The following ASTN1 variants were observed in gnomAD, a reference collection of about 807,000 sequenced individuals.
ASTN1 encodes the protein astrotactin 1.
A neutral mutation model predicts 140.7 loss-of-function variants in ASTN1; 41 were observed. The ratio of observed to expected loss-of-function variants is 0.29; its 90% CI spans 0.23 to 0.38. The LOEUF is 0.38. ASTN1 is among the 10% of genes least tolerant of loss of function. The pLI is 1.00. For missense variants in ASTN1, 1,479 were observed against 1,678.8 expected (o/e 0.88, Z 2.08); for synonymous variants, 640 against 652.2 (o/e 0.98, Z 0.29).
chr1:177,102,891 C>T (rs1680367531), intron 1 of ASTN1, among the ~76,000 whole-genome samples: 1 of 152,166 alleles, frequency 6.6e-6, no homozygotes, highest in Admixed American at 6.5e-5. Context: ...TCAGAGAAAC[C>T]ACAAACCAGA....
At chr1:176,970,063 C>T (rs1673070529) in intron 8 of ASTN1, among the ~76,000 whole-genome samples, 1 of 152,228 alleles carries the variant, frequency 6.6e-6, no homozygotes, top group African/African-American at 2.4e-5. Context: ...TTTCTTTCTT[C>T]CTCCTGTCTC....
chr1:177,086,159 T>C (rs1383954996), intron 1 of ASTN1, among the ~76,000 whole-genome samples: 2 of 152,080 alleles, frequency 1.3e-5, no homozygotes, highest in Non-Finnish European at 2.9e-5. Flanking sequence ...TCTTTTATAA[T>C]AGCAGAGAAG....
chr1:176,927,408 G>T (rs1313448980), intron 16 of ASTN1, among the ~76,000 whole-genome samples: 2 of 151,866 alleles, frequency 1.3e-5, no homozygotes, highest in African/African-American at 4.8e-5. Context: ...GGAAAAGGAA[G>T]GGAAGAAAGA....
intron 16 of ASTN1, among the ~76,000 whole-genome samples, chr1:176,926,103 A>G (rs576512529): frequency 1.8e-4 from 28 of 152,178 alleles, no homozygotes; most frequent in East Asian, 7.7e-4. Flanking sequence ...CACCGCACCC[A>G]GCCAAGGCAT....
intron 21 of ASTN1, among the ~76,000 whole-genome samples, chr1:176,871,305 G>A (rs1054115826): frequency 9.2e-5 from 14 of 152,134 alleles, no homozygotes; most frequent in South Asian, 2.1e-4. Flanking sequence ...AAGAATGACC[G>A]GGGGAGGAAA....
chr1:176,905,218 C>T (rs917266523), intron 16 of ASTN1, among the ~76,000 whole-genome samples: 21 of 152,186 alleles, frequency 1.4e-4, no homozygotes, highest in Non-Finnish European at 5.9e-5. Flanking sequence ...ACAGTACAAA[C>T]ACTCAGCTGA....
chr1:177,083,439 G>A (rs934802644), intron 1 of ASTN1, among the ~76,000 whole-genome samples: 8 of 151,766 alleles, frequency 5.3e-5, no homozygotes, highest in Admixed American at 2.6e-4. Context: ...CAGGTCATGC[G>A]CCATTGAGAA....
intron 16 of ASTN1, among the ~76,000 whole-genome samples, chr1:176,913,830 T>C (rs112856318): frequency 2.0e-5 from 3 of 152,216 alleles, no homozygotes; most frequent in African/African-American, 4.8e-5. Context: ...CATTCAGTAG[T>C]CACTATACAC....
In ASTN1 at chr1:177,127,146, T is replaced by A. The variant is rs575431774; in HGVS notation, c.283+37248A>T. On this transcript the variant is annotated intron_variant, in intron 1 of 22. Transcript: ENST00000361833. ...TGCAAAAAATGAAGTTTTATTTTTT[T>A]TTAAAAAAAGAAATTATTCTTCAAT... Among the ~76,000 whole-genome samples the A allele has an allele frequency of 5.5e-4, 83 of 152,158 alleles. 1 individual carries two copies. The highest frequency in any genetic ancestry group is 3.4e-3 in the Middle Eastern group (1 of 294).
At chr1:177,100,497 A>T (rs576930125) in intron 1 of ASTN1, among the ~76,000 whole-genome samples, 4 of 152,242 alleles carry the variant, frequency 2.6e-5, no homozygotes, top group African/African-American at 9.6e-5. Context: ...CCAATTTTTT[A>T]AAGTGGGTTT....
At chr1:177,096,396 A>G (rs1035793106) in intron 1 of ASTN1, among the ~76,000 whole-genome samples, 5 of 152,208 alleles carry the variant, frequency 3.3e-5, no homozygotes, top group African/African-American at 9.6e-5. Context: ...TCTCCCAAAC[A>G]TCATATGTTG....
chr1:177,096,961 G>A (rs953581325), intron 1 of ASTN1, among the ~76,000 whole-genome samples: 2 of 152,010 alleles, frequency 1.3e-5, no homozygotes, highest in Non-Finnish European at 2.9e-5. Flanking sequence ...ACTAAGAAAT[G>A]GCCCTCACTA....
At chr1:177,150,126 A>G (rs1682962931) in intron 1 of ASTN1, among the ~76,000 whole-genome samples, 3 of 152,048 alleles carry the variant, frequency 2.0e-5, no homozygotes, top group African/African-American at 7.2e-5. Context: ...AATATGCCTG[A>G]TAGCCTCAAC....
intron 1 of ASTN1, among the ~76,000 whole-genome samples, chr1:177,149,185 T>C (rs1357745949): frequency 5.0e-5 from 6 of 119,460 alleles, no homozygotes; most frequent in African/African-American, 2.0e-4. Flanking sequence ...ATATAGTGTA[T>C]ATATATAGTA....
chr1:176,894,548 C>A lies in ASTN1; in HGVS notation c.2940+14G>T. ...GTTGACGCCTCCCAGAGCCAAGAGT[C>A]CCAGGCCTCTTACCCTCTGGGTCTG... On this transcript the variant is annotated intron_variant, in intron 17 of 22. Transcript: ENST00000361833. The A allele has an allele frequency of 1.2e-6, 2 of 1,612,604 alleles. No individual in the cohort carries two copies. The highest frequency in any genetic ancestry group is 1.7e-6 in the Non-Finnish European group (2 of 1,179,526).
At chr1:176,962,631 T>C (rs1011949077) in intron 9 of ASTN1, among the ~76,000 whole-genome samples, 1 of 152,184 alleles carries the variant, frequency 6.6e-6, no homozygotes, top group Non-Finnish European at 1.5e-5. Context: ...GGTAAAGTCA[T>C]TGCGGATTGG....
Position 176,936,345 on chromosome 1 carries a change from A to G in ASTN1, c.2403T>C (p.Ser801=). ...TCCAGTGCTGCAGCACAGGGTACCC[A>G]GACACTTCACTGAAGTTCACCATCC... ...LTGMVNFSEV[S]GYPVLQHWKV... is the part of the protein sequence containing the mutation. The change falls in exon 15 of 23, where the codon TCT becomes TCC. Residue 801 remains serine (S), a synonymous_variant. Coordinates refer to ENST00000361833, the MANE Select transcript of ASTN1 (RefSeq NM_004319.3). 1 of 1,613,170 alleles carries G rather than the reference A, an allele frequency of 6.2e-7. No homozygotes were observed. The highest frequency in any genetic ancestry group is 8.5e-7 in the Non-Finnish European group (1 of 1,179,938).
At chr1:177,110,127 A>G (rs16850735) in intron 1 of ASTN1, among the ~76,000 whole-genome samples, 2,473 of 152,334 alleles carry the variant, frequency 0.016, 67 homozygotes, top group African/African-American at 0.056. Context: ...TTGAGAGCTC[A>G]AAGTTGGTGG....
At chr1:176,873,521 G>T (rs531814425) in intron 21 of ASTN1, among the ~76,000 whole-genome samples, 7 of 152,240 alleles carry the variant, frequency 4.6e-5, no homozygotes, top group African/African-American at 1.7e-4. Context: ...CATGCTCCAG[G>T]TCACTTAAAA....
Sources: gnomAD v4.1 joint callset for allele counts (sites outside exome capture counted in the v4.1 genomes callset) on GRCh38, gnomAD v4.1.1 for gene constraint, MANE v1.5 for transcripts, NCBI Gene and HGNC (gene_info 2026-07-23, HGNC 2026-07-21) for gene names.